KCNT2: variants seen among roughly 807,000 people sequenced by gnomAD.
KCNT2 encodes potassium channel subfamily T member 2.
In KCNT2, 67 loss-of-function variants were observed where a neutral mutation model predicts 153.8. The observed-to-expected ratio is 0.44, with a 90% CI of 0.36 to 0.53. The LOEUF (loss-of-function observed/expected upper bound fraction) is 0.53, where lower values mean the gene tolerates loss of function less well. Among genes scored for constraint, KCNT2 ranks in the 20% least tolerant of loss-of-function variants. KCNT2 has a pLI of 0.00. For missense variants in KCNT2, 975 were observed against 1,354.8 expected (o/e 0.72, Z 4.40); for synonymous variants, 500 against 458.8 (o/e 1.09, Z -1.15).
chr1:196,538,619 G>C (rs952490223), intron 1 of KCNT2, among the ~76,000 whole-genome samples: 5 of 152,130 alleles, frequency 3.3e-5, no homozygotes, highest in African/African-American at 1.2e-4. Context: ...CTAACGTGGT[G>C]TGGTTATATA....
chr1:196,545,919 T>G (rs1657026351), intron 1 of KCNT2, among the ~76,000 whole-genome samples: 1 of 152,056 alleles, frequency 6.6e-6, no homozygotes, highest in South Asian at 2.1e-4. Context: ...TGAATAATAT[T>G]CCTTTGTACG....
intron 14 of KCNT2, among the ~76,000 whole-genome samples, chr1:196,371,447 T>C (rs1241466894): frequency 1.3e-5 from 2 of 151,990 alleles, no homozygotes; most frequent in Non-Finnish European, 2.9e-5. Context: ...ATTCTATGAA[T>C]ATACTTTTAA....
At chr1:196,390,593 C>T (rs1190208896) in intron 13 of KCNT2, among the ~76,000 whole-genome samples, 2 of 151,144 alleles carry the variant, frequency 1.3e-5, no homozygotes, top group Non-Finnish European at 3.0e-5. Flanking sequence ...TTTTTTTTGT[C>T]CTCCTCACTG....
At chr1:196,408,276 A>G (rs1020638094) in intron 12 of KCNT2, among the ~76,000 whole-genome samples, 5 of 151,610 alleles carry the variant, frequency 3.3e-5, no homozygotes, top group African/African-American at 7.3e-5. Context: ...CCACTCCTGC[A>G]TAAGATCACA....
At chr1:196,363,200 A>G (rs577655986) in intron 14 of KCNT2, among the ~76,000 whole-genome samples, 30 of 152,072 alleles carry the variant, frequency 2.0e-4, no homozygotes, top group African/African-American at 5.1e-4. Flanking sequence ...ATTTTATTTT[A>G]TGGGCTAAAA....
At chr1:196,368,541 C>A (rs1001326705) in intron 14 of KCNT2, among the ~76,000 whole-genome samples, 1 of 152,066 alleles carries the variant, frequency 6.6e-6, no homozygotes. Flanking sequence ...ATAAGAAAAT[C>A]CCCATTGTAG....
At chr1:196,256,140 C>T (rs1426041160) in intron 26 of KCNT2, among the ~76,000 whole-genome samples, 1 of 151,906 alleles carries the variant, frequency 6.6e-6, no homozygotes, top group Non-Finnish European at 1.5e-5. Flanking sequence ...TATTTTTCCT[C>T]AACAACTGCC....
At chr1:196,477,664 T>C (rs914851022) in intron 5 of KCNT2, among the ~76,000 whole-genome samples, 1 of 152,144 alleles carries the variant, frequency 6.6e-6, no homozygotes, top group Admixed American at 6.6e-5. Context: ...TTGAGTACAC[T>C]TGATAGAGTA....
intron 14 of KCNT2, among the ~76,000 whole-genome samples, chr1:196,349,296 A>G (rs539000648): frequency 1.3e-5 from 2 of 152,250 alleles, no homozygotes; most frequent in South Asian, 4.1e-4. Context: ...CTATCATTTA[A>G]TAATATTTTA....
At position 196,339,207 on chromosome 1, in the gene KCNT2, A is replaced by G. The variant is rs377247447; in HGVS notation, c.1783+1134T>C. 4.6e-5 allele frequency among the ~76,000 whole-genome samples: 7 copies of G among 152,210 alleles called. No homozygotes were observed. In the South Asian group the frequency reaches 1.5e-3, roughly 32 times the overall value. Reference sequence around the variant, plus strand: ...CCACACAATGAAAATGAATGTGCACAAAGCAGAAAAAAAGGCATTAGAGTG... The same window carrying G: ...CCACACAATGAAAATGAATGTGCACGAAGCAGAAAAAAAGGCATTAGAGTG... On this transcript the variant is annotated intron_variant, in intron 16 of 27. Transcript: ENST00000294725.
chr1:196,539,214 A>C (rs1656010018), intron 1 of KCNT2, among the ~76,000 whole-genome samples: 1 of 152,216 alleles, frequency 6.6e-6, no homozygotes, highest in African/African-American at 2.4e-5. Flanking sequence ...GAATATAAGA[A>C]AATATTTTTC....
At chr1:196,396,526 C>T (rs1670950945) in intron 13 of KCNT2, among the ~76,000 whole-genome samples, 1 of 151,576 alleles carries the variant, frequency 6.6e-6, no homozygotes, top group African/African-American at 2.4e-5. Flanking sequence ...TTTTTAACTT[C>T]ATGCTGAGAT....
chr1:196,370,977 A>T (rs1264776884), intron 14 of KCNT2, among the ~76,000 whole-genome samples: 1 of 152,104 alleles, frequency 6.6e-6, no homozygotes, highest in East Asian at 1.9e-4. Context: ...AATCTCTACC[A>T]TTATGCAATG....
intron 1 of KCNT2, among the ~76,000 whole-genome samples, chr1:196,546,213 A>G (rs1207241007): frequency 2.0e-5 from 3 of 152,094 alleles, no homozygotes; most frequent in Non-Finnish European, 4.4e-5. Context: ...TTATTCTTCT[A>G]TTCTGTGAAT....
At chr1:196,607,597 G>A (rs552900373) in intron 1 of KCNT2, among the ~76,000 whole-genome samples, 1 of 152,310 alleles carries the variant, frequency 6.6e-6, no homozygotes, top group South Asian at 2.1e-4. Context: ...ATAATGGTCA[G>A]AGTCACCTGT....
chr1:196,397,610 G>A (rs1396617616), intron 13 of KCNT2, among the ~76,000 whole-genome samples: 1 of 151,372 alleles, frequency 6.6e-6, no homozygotes, highest in African/African-American at 2.4e-5. Context: ...GCTATACATT[G>A]TTAGGAAAAA....
intron 1 of KCNT2, among the ~76,000 whole-genome samples, chr1:196,541,847 T>A (rs1656419322): frequency 6.6e-6 from 1 of 152,078 alleles, no homozygotes; most frequent in Non-Finnish European, 1.5e-5. Context: ...CACCATTATA[T>A]ATTGATTAGT....
intron 1 of KCNT2, among the ~76,000 whole-genome samples, chr1:196,577,420 A>T (rs977463491): frequency 1.3e-5 from 2 of 152,168 alleles, no homozygotes; most frequent in Non-Finnish European, 1.5e-5. Context: ...CTGAATGGAG[A>T]AGGCACAGAG....
intron 1 of KCNT2, among the ~76,000 whole-genome samples, chr1:196,577,049 A>G (rs1035758232): frequency 2.6e-5 from 4 of 152,306 alleles, no homozygotes; most frequent in South Asian, 4.1e-4. Flanking sequence ...CTTTTTAATT[A>G]TGCCAACAGA....
Sources: allele counts gnomAD v4.1 joint callset (sites outside exome capture counted in the v4.1 genomes callset), GRCh38; gene constraint gnomAD v4.1.1; transcripts MANE v1.5; gene names NCBI Gene and HGNC (gene_info 2026-07-23, HGNC 2026-07-21).